Variants in GRM8 observed in about 807,000 individuals in gnomAD.
GRM8 encodes glutamate metabotropic receptor 8.
GRM8 carries 47 observed loss-of-function variants against 87.2 expected under a neutral mutation model. The ratio of observed to expected loss-of-function variants is 0.54; its 90% CI spans 0.43 to 0.69. GRM8 has a LOEUF of 0.69. GRM8 is among the 30% of genes least tolerant of loss of function. The probability of loss-of-function intolerance (pLI) is 0.00; values close to 1 mark genes in which losing one functional copy is unlikely to be tolerated. For synonymous variants in GRM8, 396 were observed against 404.5 expected (o/e 0.98, Z 0.25); for missense variants, 1,019 against 1,139.2 (o/e 0.89, Z 1.52).
chr7:126,616,254 A>G (rs969161885), intron 7 of GRM8, among the ~76,000 whole-genome samples: 2 of 152,264 alleles, frequency 1.3e-5, no homozygotes, highest in African/African-American at 4.8e-5. Flanking sequence ...TGGAAACTGA[A>G]CAACCTGCTC....
chr7:126,848,517 C>A (rs1796911349), intron 6 of GRM8, among the ~76,000 whole-genome samples: 1 of 151,900 alleles, frequency 6.6e-6, no homozygotes, highest in Non-Finnish European at 1.5e-5. Context: ...ATTAATGTGG[C>A]TGCTAGAAAA....
chr7:127,240,408 T>C (rs1798219787), intron 2 of GRM8, among the ~76,000 whole-genome samples: 1 of 133,844 alleles, frequency 7.5e-6, no homozygotes, highest in Non-Finnish European at 1.6e-5. Context: ...ATTTTGCAGA[T>C]TGGCTGATTC....
At chr7:127,190,831 A>G (rs1289900730) in intron 2 of GRM8, among the ~76,000 whole-genome samples, 2 of 152,148 alleles carry the variant, frequency 1.3e-5, no homozygotes, top group Non-Finnish European at 2.9e-5. Context: ...TGTCATTATA[A>G]TTAGTTAAAT....
At chr7:127,246,569 C>T (rs928160113) in intron 1 of GRM8, among the ~76,000 whole-genome samples, 3 of 152,142 alleles carry the variant, frequency 2.0e-5, no homozygotes, top group Non-Finnish European at 4.4e-5. Context: ...ACCCTCATAG[C>T]CCTTCCTGTG....
chr7:126,554,659 A>C (rs1368774079), intron 8 of GRM8, among the ~76,000 whole-genome samples: 1 of 152,124 alleles, frequency 6.6e-6, no homozygotes, highest in Non-Finnish European at 1.5e-5. Flanking sequence ...ATGGTATATA[A>C]CAAAAACTAG....
intron 3 of GRM8, among the ~76,000 whole-genome samples, chr7:127,049,756 A>G (rs1461444014): frequency 1.3e-5 from 2 of 152,176 alleles, no homozygotes; most frequent in Non-Finnish European, 2.9e-5. Flanking sequence ...ATGGTCACAG[A>G]AGACAGCCCC....
intron 7 of GRM8, among the ~76,000 whole-genome samples, chr7:126,706,654 C>T (rs1433460939): frequency 1.3e-5 from 2 of 152,062 alleles, no homozygotes; most frequent in Non-Finnish European, 2.9e-5. Context: ...ACTTTGTGGT[C>T]CAGTCAAGTT....
chr7:126,971,655 A>C (rs1295015450), intron 3 of GRM8, among the ~76,000 whole-genome samples: 1 of 152,184 alleles, frequency 6.6e-6, no homozygotes, highest in African/African-American at 2.4e-5. Context: ...CTATGAGTCC[A>C]TGAGGAGAAC....
At chr7:127,013,351 A>T (rs568906916) in intron 3 of GRM8, among the ~76,000 whole-genome samples, 1 of 152,252 alleles carries the variant, frequency 6.6e-6, no homozygotes, top group Non-Finnish European at 1.5e-5. Flanking sequence ...CAGCAGAGGC[A>T]TGGAGACCAG....
intron 2 of GRM8, among the ~76,000 whole-genome samples, chr7:127,177,705 A>C (rs1794196763): frequency 6.6e-6 from 1 of 152,232 alleles, no homozygotes; most frequent in Admixed American, 6.5e-5. Flanking sequence ...GTACCAGTCC[A>C]GAGCTGGGCA....
chr7:126,757,259 A>G (rs1276768433), intron 7 of GRM8, among the ~76,000 whole-genome samples: 2 of 152,112 alleles, frequency 1.3e-5, no homozygotes, highest in African/African-American at 4.8e-5. Flanking sequence ...CTGTGCTATC[A>G]AAAGTTAGGA....
chr7:127,061,060 G>A (rs1204698025), intron 3 of GRM8, among the ~76,000 whole-genome samples: 7 of 152,130 alleles, frequency 4.6e-5, no homozygotes, highest in Non-Finnish European at 2.9e-5. Flanking sequence ...CCTGAGACAG[G>A]TATAACAAAC....
intron 6 of GRM8, among the ~76,000 whole-genome samples, chr7:126,876,658 C>T (rs1200390395): frequency 6.6e-6 from 1 of 152,162 alleles, no homozygotes; most frequent in Non-Finnish European, 1.5e-5. Flanking sequence ...CTATCCTTAG[C>T]TCAGAATATA....
intron 7 of GRM8, among the ~76,000 whole-genome samples, chr7:126,722,540 C>T (rs536030855): frequency 2.0e-4 from 31 of 152,256 alleles, no homozygotes; most frequent in African/African-American, 7.2e-4. Flanking sequence ...ATTTATGTCA[C>T]TGTGTAGCTT....
rs1199168212 is a variant in GRM8 at position 126,467,636 on chromosome 7, A to G, written c.2431-21264T>C. Among the ~76,000 whole-genome samples the G allele has an allele frequency of 2.0e-5, 3 of 151,974 alleles. No individual in the cohort carries two copies. The East Asian group carries it at 5.8e-4, about 29-fold the overall frequency. On this transcript the variant is annotated intron_variant, in intron 9 of 10. Coordinates refer to ENST00000339582, the MANE Select transcript of GRM8 (RefSeq NM_000845.3). ...CTAGTTCCTTTTAAACAAAGTGTATACTCTTAATAATGCATTACTACAATA... is the reference window on the plus strand; with the variant it reads ...CTAGTTCCTTTTAAACAAAGTGTATGCTCTTAATAATGCATTACTACAATA...
chr7:126,545,933 T>A (rs1222554427), intron 8 of GRM8, among the ~76,000 whole-genome samples: 1 of 152,194 alleles, frequency 6.6e-6, no homozygotes. Context: ...ATAGGAGATG[T>A]TCTGTTCAGT....
chr7:127,055,605 T>C (rs1261884169), intron 3 of GRM8, among the ~76,000 whole-genome samples: 1 of 152,090 alleles, frequency 6.6e-6, no homozygotes, highest in African/African-American at 2.4e-5. Flanking sequence ...TTCACATTAC[T>C]AACGGTCTCA....
intron 2 of GRM8, among the ~76,000 whole-genome samples, chr7:127,145,404 CT>C (rs1828502386): frequency 6.6e-6 from 1 of 152,048 alleles, no homozygotes; most frequent in Admixed American, 6.6e-5. Flanking sequence ...TTCTATATGT[CT>C]TGTGAAAAAG....
intron 6 of GRM8, among the ~76,000 whole-genome samples, chr7:126,778,043 G>T (rs532742435): frequency 3.6e-4 from 55 of 152,248 alleles, no homozygotes; most frequent in African/African-American, 1.3e-3. Context: ...CACACCCAAG[G>T]TTCTGCTTTG....
Sources: allele counts gnomAD v4.1 joint callset (sites outside exome capture counted in the v4.1 genomes callset), GRCh38; gene constraint gnomAD v4.1.1; transcripts MANE v1.5; gene names NCBI Gene and HGNC (gene_info 2026-07-23, HGNC 2026-07-21).